Variants in ZNF701 observed in about 807,000 individuals in gnomAD.
The protein encoded by ZNF701 is zinc finger protein 701.
A neutral mutation model predicts 7.1 loss-of-function variants in ZNF701; 6 were observed. That is an observed-to-expected ratio of 0.84 (90% CI 0.46 to 1.66). The LOEUF (loss-of-function observed/expected upper bound fraction) is 1.66, where lower values mean the gene tolerates loss of function less well. ZNF701 is among the 40% of genes most tolerant of loss of function. ZNF701 has a pLI of 0.01. For missense variants in ZNF701, 541 were observed against 559.2 expected (o/e 0.97, Z 0.33); for synonymous variants, 166 against 188.2 (o/e 0.88, Z 0.97).
chr19:52,593,942 G>A, the ZNF701 span: 1,134 of 132,656 alleles, frequency 8.5e-3, 318 homozygotes, highest in African/African-American at 0.033. Context: ...CTGCAATCTC[G>A]GCACTTTGGG....
Position 52,583,396 on chromosome 19 carries a change from T to G in ZNF701, c.1337T>G (p.Val446Gly). ...TACAAGTGTAATGAATGTGGCAAGGTTTTTAATCGAAAATCAAACCTTGAA... is the reference window on the plus strand; with the variant it reads ...TACAAGTGTAATGAATGTGGCAAGGGTTTTAATCGAAAATCAAACCTTGAA... Reference protein sequence around the residue: ...KPYKCNECGKVFNRKSNLERH... With the variant: ...KPYKCNECGKGFNRKSNLERH... The change falls in exon 4 of 4, where the codon GTT becomes GGT. Residue 446 changes from valine to glycine, a missense_variant. Val to Gly is a moderately radical substitution (Grantham distance 109). Transcript: ENST00000391785. 1 of 1,613,300 alleles carries G rather than the reference T, an allele frequency of 6.2e-7. No individual in the cohort carries two copies. Among genetic ancestry groups the G allele is most frequent in the Non-Finnish European group, 8.5e-7 (1 of 1,179,658 alleles).
At chr19:52,596,126 G>A in the ZNF701 span, 3 of 864,472 alleles carry the variant, frequency 3.5e-6, no homozygotes, top group Non-Finnish European at 3.8e-6. Context: ...CCAATGTAAT[G>A]AGTGTGGCAA....
chr19:52,595,568 C>T, the ZNF701 span: 1 of 806,292 alleles, frequency 1.2e-6, no homozygotes, highest in Admixed American at 2.6e-5. Context: ...CTGCACCTGG[C>T]CTACCATCTG....
rs544831224 is a variant in ZNF701, at chr19:52,579,254, C to T, written c.143-2948C>T. Among the ~76,000 whole-genome samples, 34 of 141,618 alleles carry T rather than the reference C, an allele frequency of 2.4e-4. 11 individuals are homozygous for T. The highest frequency in any genetic ancestry group is 9.5e-4 in the African/African-American group (31 of 32,640). 92.9% of individuals were successfully genotyped at this position (141,618 alleles called of 152,430 possible). ...TAAAGATCTTAAAGTTGGCCAGGCGCGGTGGCTCACGCCTGTAATCCCAGC... is the reference window on the plus strand; with the variant it reads ...TAAAGATCTTAAAGTTGGCCAGGCGTGGTGGCTCACGCCTGTAATCCCAGC... On this transcript the variant is annotated intron_variant, in intron 3 of 3. Coordinates refer to ENST00000391785, the MANE Select transcript of ZNF701 (RefSeq NM_018260.3).
At chr19:52,577,443 C>T (rs1345825449) in intron 3 of ZNF701, among the ~76,000 whole-genome samples, 1 of 152,078 alleles carries the variant, frequency 6.6e-6, no homozygotes. Context: ...AAAATAGTTA[C>T]AATAAGAAGA....
chr19:52,580,663 G>T (rs1306784206), intron 3 of ZNF701, among the ~76,000 whole-genome samples: 1 of 152,086 alleles, frequency 6.6e-6, no homozygotes, highest in Non-Finnish European at 1.5e-5. Flanking sequence ...TCTTAATAGG[G>T]AATTGTTTAC....
At chr19:52,579,418 G>A (rs1054824374) in intron 3 of ZNF701, among the ~76,000 whole-genome samples, 1 of 138,984 alleles carries the variant, frequency 7.2e-6, no homozygotes. Flanking sequence ...AGCTACTCGC[G>A]AGGCTGAGGC....
At chr19:52,577,675 A>T (rs586746) in intron 3 of ZNF701, among the ~76,000 whole-genome samples, 3 of 151,686 alleles carry the variant, frequency 2.0e-5, no homozygotes, top group Non-Finnish European at 4.4e-5. Context: ...AAGCGGTAAC[A>T]CCAGTGTCTG....
downstream of ZNF701, among the ~76,000 whole-genome samples, chr19:52,591,013 T>C (rs145988492): frequency 0.075 from 11,400 of 152,130 alleles, 467 homozygotes; most frequent in African/African-American, 0.11. Context: ...CTAATTTTTG[T>C]ATTTTTAATA....
At chr19:52,591,127 C>T (rs1289123292), downstream of ZNF701, among the ~76,000 whole-genome samples, 1 of 152,066 alleles carries the variant, frequency 6.6e-6, no homozygotes, top group African/African-American at 2.4e-5. Flanking sequence ...TGTGAGCCAC[C>T]ACGCCTGGCC....
At position 52,582,218 on chromosome 19, in the gene ZNF701, C is replaced by T. The variant is rs191916635; in HGVS notation, c.159C>T (p.Cys53=). The T allele has an allele frequency of 2.9e-5, 46 of 1,580,174 alleles. No homozygotes were observed. In the African/African-American group the frequency reaches 4.5e-4, roughly 15 times the overall value. ...ATTTTGTAGATACCTCTTCCAAATG[C>T]ATGATGAAGATGTTCTCATCAACAG... ...NLVSLDTSSK[C]MMKMFSSTGQ... Residue 53 remains cysteine, a synonymous_variant, in exon 4 of 4, where the codon TGC becomes TGT. Coordinates refer to ENST00000391785, the MANE Select transcript of ZNF701 (RefSeq NM_018260.3).
At chr19:52,597,702 T>C in the ZNF701 span, 1 of 251,778 alleles carries the variant, frequency 4.0e-6, no homozygotes, top group African/African-American at 2.3e-5. Flanking sequence ...TTGAACAGAA[T>C]CTGGGCGGGG....
rs1173846004 is a variant in ZNF701 at position 52,586,372 on chromosome 19, T to C, written c.*2915T>C. 6.6e-6 allele frequency: 1 copy of C among 151,914 alleles called. No individual in the cohort carries two copies. Among genetic ancestry groups the C allele is most frequent in the Non-Finnish European group, 1.5e-5 (1 of 68,008 alleles). 9.4% of individuals were successfully genotyped at this position (151,914 alleles called of 1,614,324 possible). ...CTTAATTTAAAAAAAAAAATGTATA[T>C]GTAGACTGAACGCGGTGGCTCATGC... On this transcript the variant is annotated 3_prime_UTR_variant, in exon 4 of 4. Coordinates refer to ENST00000391785, the MANE Select transcript of ZNF701 (RefSeq NM_018260.3).
At chr19:52,597,028 T>G in the ZNF701 span, 1 of 1,235,544 alleles carries the variant, frequency 8.1e-7, no homozygotes, top group Non-Finnish European at 1.2e-6. Context: ...TGTCACAAAG[T>G]CTTCAGTAAT....
At chr19:52,592,361 G>A in the ZNF701 span, 2 of 992,464 alleles carry the variant, frequency 2.0e-6, no homozygotes, top group Non-Finnish European at 2.9e-6. Flanking sequence ...CTACAGTGAT[G>A]ACCCTCATAT....
At chr19:52,577,728 T>C (rs2059944688) in intron 3 of ZNF701, among the ~76,000 whole-genome samples, 2 of 151,984 alleles carry the variant, frequency 1.3e-5, no homozygotes, top group African/African-American at 4.8e-5. Flanking sequence ...GGGGGTCTCC[T>C]TTCCTTGGAG....
chr19:52,589,877 T>G (rs2060029981), downstream of ZNF701, among the ~76,000 whole-genome samples: 1 of 151,922 alleles, frequency 6.6e-6, no homozygotes, highest in Non-Finnish European at 1.5e-5. Flanking sequence ...ACCTCCAGCC[T>G]TTGTCACCTG....
chr19:52,571,729 T>TTTG (rs1290690267), intron 1 of ZNF701, among the ~76,000 whole-genome samples: 2 of 106,672 alleles, frequency 1.9e-5, no homozygotes, highest in Non-Finnish European at 4.7e-5. Context: ...TTCCCTGCTT[T>TTTG]TTGTTTGTTT....
At position 52,571,361 on chromosome 19, in the gene ZNF701, G is replaced by A. The variant is rs145332513; in HGVS notation, c.-72+1031G>A. Among the ~76,000 whole-genome samples, 705 of 152,188 alleles carry A rather than the reference G, an allele frequency of 4.6e-3. 1 individual carries two copies. Among genetic ancestry groups the A allele is most frequent in the Non-Finnish European group, 6.8e-3 (460 of 68,010 alleles). ...GCCTGGGGATCTGGGGTGCTAGAGA[G>A]TGGGGACGGGGGGTAAAACAGAGAA... On this transcript the variant is annotated intron_variant, in intron 1 of 3. Coordinates refer to ENST00000391785, the MANE Select transcript of ZNF701 (RefSeq NM_018260.3).
Sources: allele counts gnomAD v4.1 joint callset (sites outside exome capture counted in the v4.1 genomes callset), GRCh38; gene constraint gnomAD v4.1.1; transcripts MANE v1.5; gene names NCBI Gene and HGNC (gene_info 2026-07-23, HGNC 2026-07-21).